DLGAP1: variants seen among roughly 807,000 people sequenced by gnomAD.
DLGAP1 encodes the protein DLG associated protein 1, also known as disks large-associated protein 1.
Under a neutral mutation model 90.8 loss-of-function variants are expected in DLGAP1, and 11 were observed. The observed-to-expected ratio is 0.12, with a 90% CI of 0.08 to 0.20. The LOEUF is 0.20. DLGAP1 is among the 10% of genes least tolerant of loss of function. DLGAP1 has a pLI of 1.00. For missense variants in DLGAP1, 1,050 were observed against 1,333.8 expected (o/e 0.79, Z 3.31); for synonymous variants, 558 against 540.7 (o/e 1.03, Z -0.44).
At chr18:4,139,195 G>GT (rs1442415383) in intron 2 of DLGAP1, among the ~76,000 whole-genome samples, 2 of 151,604 alleles carry the variant, frequency 1.3e-5, no homozygotes, top group Non-Finnish European at 3.0e-5. Context: ...CACTTTTCTA[G>GT]TTTTTTAAGC....
chr18:4,417,499 T>C (rs1225560397), intron 1 of DLGAP1, among the ~76,000 whole-genome samples: 1 of 152,070 alleles, frequency 6.6e-6, no homozygotes. Context: ...AATGATTTAG[T>C]AAAAAATAAG....
intron 2 of DLGAP1, among the ~76,000 whole-genome samples, chr18:4,089,496 C>G (rs1481373137): frequency 6.6e-6 from 1 of 152,112 alleles, no homozygotes; most frequent in Non-Finnish European, 1.5e-5. Context: ...ATAGCCAAGA[C>G]AATCCTAAGC....
intron 1 of DLGAP1, among the ~76,000 whole-genome samples, chr18:4,316,072 G>A (rs2080519333): frequency 6.6e-6 from 1 of 152,144 alleles, no homozygotes; most frequent in Admixed American, 6.5e-5. Flanking sequence ...TGGTTTCATT[G>A]CTATCTATGC....
intron 1 of DLGAP1, among the ~76,000 whole-genome samples, chr18:4,354,710 C>A (rs1304649055): frequency 6.6e-6 from 1 of 151,744 alleles, no homozygotes; most frequent in Non-Finnish European, 1.5e-5. Context: ...CTTCATGGGT[C>A]AAGATGATCT....
intron 5 of DLGAP1, among the ~76,000 whole-genome samples, chr18:3,749,343 G>A (rs2147788476): frequency 6.6e-6 from 1 of 151,778 alleles, no homozygotes; most frequent in South Asian, 2.1e-4. Flanking sequence ...GTAGAGAGGG[G>A]GGTTTCACCA....
At chr18:4,117,868 C>G (rs1333944860) in intron 2 of DLGAP1, among the ~76,000 whole-genome samples, 1 of 152,158 alleles carries the variant, frequency 6.6e-6, no homozygotes, top group Non-Finnish European at 1.5e-5. Context: ...GCTTAAGCCT[C>G]TAGTGCCAGT....
chr18:4,039,236 T>C (rs1416598707), intron 2 of DLGAP1, among the ~76,000 whole-genome samples: 1 of 152,184 alleles, frequency 6.6e-6, no homozygotes, highest in African/African-American at 2.4e-5. Context: ...AGTTTACTTA[T>C]TTATAGTTAT....
At chr18:4,061,344 G>T (rs541159731) in intron 2 of DLGAP1, among the ~76,000 whole-genome samples, 1 of 150,920 alleles carries the variant, frequency 6.6e-6, no homozygotes, top group East Asian at 2.0e-4. Flanking sequence ...AAAGCTGAAG[G>T]TTTGAGGAAG....
chr18:3,647,989 A>T (rs1447666279), intron 7 of DLGAP1, among the ~76,000 whole-genome samples: 1 of 152,220 alleles, frequency 6.6e-6, no homozygotes, highest in Non-Finnish European at 1.5e-5. Context: ...GGGCATGTAT[A>T]AAATCAACAA....
At position 3,874,327 on chromosome 18, in the gene DLGAP1, C is replaced by T. The variant is rs547482585; in HGVS notation, c.957+4785G>A. The T allele has an allele frequency of 1.6e-5, 24 of 1,525,572 alleles. No homozygotes were observed. In the East Asian group the frequency reaches 3.2e-4, roughly 20 times the overall value. The allele number at this position is 1,525,572 out of a possible 1,614,324, so 94.5% of individuals were successfully genotyped here. A position where few individuals can be genotyped will look rare whatever the true frequency, so the allele number is the denominator to read the frequency against. ...TGTCTCTCTCTCTCCACTTCTACCG[C>T]GGAGAGAGCGTTTTGTTTCCCTTTT... On this transcript the variant is annotated intron_variant, in intron 4 of 12. Coordinates refer to ENST00000315677, the MANE Select transcript of DLGAP1 (RefSeq NM_004746.4).
intron 4 of DLGAP1, among the ~76,000 whole-genome samples, chr18:3,817,896 C>T (rs1839902881): frequency 6.6e-6 from 1 of 152,084 alleles, no homozygotes; most frequent in Non-Finnish European, 1.5e-5. Flanking sequence ...GAAAAGCCTG[C>T]GTTATTACTG....
chr18:3,624,962 A>G (rs2146085327), intron 7 of DLGAP1, among the ~76,000 whole-genome samples: 1 of 152,312 alleles, frequency 6.6e-6, no homozygotes. Flanking sequence ...CCAGAAGCAA[A>G]GTCTACCTAC....
intron 7 of DLGAP1, among the ~76,000 whole-genome samples, chr18:3,717,982 A>G (rs778869889): frequency 6.6e-6 from 1 of 152,178 alleles, no homozygotes; most frequent in Non-Finnish European, 1.5e-5. Context: ...ACTAATTTAG[A>G]AAGTGTTATG....
chr18:3,971,333 T>C (rs190102974), intron 3 of DLGAP1, among the ~76,000 whole-genome samples: 308 of 152,322 alleles, frequency 2.0e-3, no homozygotes, highest in Non-Finnish European at 3.1e-3. Context: ...TCTAAATCAG[T>C]GGCTTAACAT....
intron 2 of DLGAP1, among the ~76,000 whole-genome samples, chr18:4,013,200 T>C (rs1200709792): frequency 6.6e-6 from 1 of 152,208 alleles, no homozygotes; most frequent in African/African-American, 2.4e-5. Context: ...AAATCATGAT[T>C]GCAAATGCTT....
chr18:3,507,736 G>GTTTTTTT (rs386386884), intron 11 of DLGAP1, among the ~76,000 whole-genome samples: 5 of 89,964 alleles, frequency 5.6e-5, no homozygotes, highest in Non-Finnish European at 8.0e-5. Flanking sequence ...ATTCTTGAAG[G>GTTTTTTT]TTTTTTTTTT....
intron 1 of DLGAP1, among the ~76,000 whole-genome samples, chr18:4,426,789 C>G (rs150297651): frequency 6.6e-6 from 1 of 152,118 alleles, no homozygotes; most frequent in Non-Finnish European, 1.5e-5. Context: ...AATGAATTAT[C>G]TCAATTAGAC....
At chr18:4,012,897 G>T (rs1286735813) in intron 2 of DLGAP1, among the ~76,000 whole-genome samples, 1 of 151,908 alleles carries the variant, frequency 6.6e-6, no homozygotes, top group Non-Finnish European at 1.5e-5. Flanking sequence ...GAGACAGGGG[G>T]TCTCATTATG....
chr18:4,178,376 T>TA (rs1247380716), intron 1 of DLGAP1, among the ~76,000 whole-genome samples: 3 of 152,232 alleles, frequency 2.0e-5, no homozygotes, highest in Non-Finnish European at 4.4e-5. Context: ...TATTTTTTTT[T>TA]ATCTCTGCTT....
Sources: allele counts gnomAD v4.1 joint callset (sites outside exome capture counted in the v4.1 genomes callset), GRCh38; gene constraint gnomAD v4.1.1; transcripts MANE v1.5; gene names NCBI Gene and HGNC (gene_info 2026-07-23, HGNC 2026-07-21).